The following MACROD2 variants were observed in gnomAD, a reference collection of about 807,000 sequenced individuals.
MACROD2 encodes the protein ADP-ribose glycohydrolase MACROD2.
In MACROD2, 36 loss-of-function variants were observed where a neutral mutation model predicts 70.4. The observed-to-expected ratio is 0.51, with a 90% CI of 0.39 to 0.68. MACROD2 has a LOEUF of 0.68. MACROD2 is among the 30% of genes least tolerant of loss of function. MACROD2 has a pLI of 0.00. For synonymous variants in MACROD2, 172 were observed against 178.8 expected (o/e 0.96, Z 0.30); for missense variants, 496 against 538.4 (o/e 0.92, Z 0.78).
intron 4 of MACROD2, among the ~76,000 whole-genome samples, chr20:14,558,838 A>G (rs925567198): frequency 1.3e-5 from 2 of 151,720 alleles, no homozygotes; most frequent in African/African-American, 4.8e-5. Flanking sequence ...TCCTCAAAAT[A>G]CAATACTGTA....
chr20:14,813,535 A>G (rs1028643323), intron 5 of MACROD2, among the ~76,000 whole-genome samples: 1 of 152,056 alleles, frequency 6.6e-6, no homozygotes, highest in Non-Finnish European at 1.5e-5. Flanking sequence ...GCATGATCTC[A>G]TTCCTTTTTA....
intron 7 of MACROD2, among the ~76,000 whole-genome samples, chr20:15,492,937 G>A (rs1387258203): frequency 1.3e-5 from 2 of 152,174 alleles, no homozygotes; most frequent in East Asian, 1.9e-4. Flanking sequence ...AGGCTGGTTA[G>A]TATAGCAACT....
chr20:15,464,687 C>G (rs1568827441), intron 7 of MACROD2, among the ~76,000 whole-genome samples: 2 of 152,100 alleles, frequency 1.3e-5, no homozygotes, highest in Non-Finnish European at 2.9e-5. Flanking sequence ...CCCTTATGTA[C>G]CTGTTCAGAT....
intron 5 of MACROD2, among the ~76,000 whole-genome samples, chr20:14,794,365 A>G (rs1465772420): frequency 6.6e-6 from 1 of 152,140 alleles, no homozygotes; most frequent in Non-Finnish European, 1.5e-5. Flanking sequence ...TTAAAAGACA[A>G]ATCTTCATGT....
chr20:14,835,465 C>A (rs902596438), intron 5 of MACROD2, among the ~76,000 whole-genome samples: 3 of 152,058 alleles, frequency 2.0e-5, no homozygotes, highest in Non-Finnish European at 4.4e-5. Context: ...TGCCTGGGCT[C>A]AGCCATTAGG....
chr20:15,725,000 T>G (rs561220971), intron 8 of MACROD2, among the ~76,000 whole-genome samples: 10 of 152,196 alleles, frequency 6.6e-5, no homozygotes, highest in African/African-American at 2.4e-4. Flanking sequence ...AAGAATGACG[T>G]GAATCCGGGA....
intron 4 of MACROD2, among the ~76,000 whole-genome samples, chr20:14,682,826 G>A (rs932361695): frequency 6.6e-6 from 1 of 152,068 alleles, no homozygotes; most frequent in African/African-American, 2.4e-5. Flanking sequence ...CTAATTGAAA[G>A]AATTTTAACA....
chr20:15,808,375 A>G (rs2063788294), intron 8 of MACROD2, among the ~76,000 whole-genome samples: 1 of 152,212 alleles, frequency 6.6e-6, no homozygotes, highest in Admixed American at 6.5e-5. Context: ...TGAATCTGAT[A>G]TAAAATGATG....
intron 12 of MACROD2, among the ~76,000 whole-genome samples, chr20:15,938,309 A>C (rs972841766): frequency 6.6e-6 from 1 of 152,096 alleles, no homozygotes; most frequent in African/African-American, 2.4e-5. Flanking sequence ...TACATTTTTT[A>C]CAAATTGAAG....
Position 15,862,817 on chromosome 20 carries a change from T to G in MACROD2, c.718T>G (p.Phe240Val). 1 of 1,610,506 alleles carries G rather than the reference T, an allele frequency of 6.2e-7. No individual in the cohort carries two copies. The highest frequency in any genetic ancestry group is 8.5e-7 in the Non-Finnish European group (1 of 1,178,134). Residue 240 changes from phenylalanine to valine, a missense_variant, in exon 9 of 18, where the codon TTC (phenylalanine) becomes GTC (valine). Phe to Val is a conservative substitution (Grantham distance 50). Coordinates refer to ENST00000684519, the MANE Select transcript of MACROD2 (RefSeq NM_001351661.2). The part of the protein sequence containing the change: ...KIYKKKMNEF[F>V]SVDDNNEEEE... ...CTACAAAAAGAAAATGAATGAGTTT[T>G]TCTCCGTAGGTGAGTAAAGCAACTT...
chr20:14,160,953 T>C (rs1166200380), intron 3 of MACROD2, among the ~76,000 whole-genome samples: 1 of 152,106 alleles, frequency 6.6e-6, no homozygotes, highest in Non-Finnish European at 1.5e-5. Flanking sequence ...TAGTGAACAT[T>C]GTACCCAATA....
At chr20:15,413,319 G>A (rs2046103338) in intron 6 of MACROD2, among the ~76,000 whole-genome samples, 3 of 152,142 alleles carry the variant, frequency 2.0e-5, no homozygotes, top group Non-Finnish European at 2.9e-5. Flanking sequence ...GAATACTGGA[G>A]TGACCAGACT....
chr20:14,123,576 C>T (rs1322133749), intron 3 of MACROD2, among the ~76,000 whole-genome samples: 2 of 152,138 alleles, frequency 1.3e-5, no homozygotes, highest in Non-Finnish European at 2.9e-5. Flanking sequence ...AGTCCTGCCT[C>T]CCTAGATACC....
intron 5 of MACROD2, among the ~76,000 whole-genome samples, chr20:15,184,801 A>T (rs112998474): frequency 1.3e-5 from 2 of 152,114 alleles, no homozygotes; most frequent in South Asian, 4.1e-4. Flanking sequence ...ATCCAAGAGC[A>T]CTCTCTGATA....
intron 2 of MACROD2, among the ~76,000 whole-genome samples, chr20:14,033,085 C>CTTT (rs11480685): frequency 1.5e-5 from 2 of 132,632 alleles, no homozygotes; most frequent in Non-Finnish European, 3.3e-5. Context: ...CTTGGTTTTT[C>CTTT]TTTTTTTTTT....
intron 15 of MACROD2, among the ~76,000 whole-genome samples, chr20:16,022,844 A>G (rs1181209078): frequency 6.6e-6 from 1 of 152,218 alleles, no homozygotes; most frequent in East Asian, 1.9e-4. Context: ...AAATGCATGT[A>G]TGTGCCAACC....
At chr20:14,044,113 A>G (rs939504775) in intron 2 of MACROD2, among the ~76,000 whole-genome samples, 56 of 152,024 alleles carry the variant, frequency 3.7e-4, no homozygotes, top group African/African-American at 1.2e-3. Flanking sequence ...CAGTGTGTCC[A>G]GAGTTTGTTC....
intron 8 of MACROD2, among the ~76,000 whole-genome samples, chr20:15,554,093 A>G (rs766616998): frequency 6.6e-6 from 1 of 152,206 alleles, no homozygotes; most frequent in Non-Finnish European, 1.5e-5. Flanking sequence ...ATGGCAATGG[A>G]GATGTGGAGG....
intron 6 of MACROD2, among the ~76,000 whole-genome samples, chr20:15,252,432 C>T (rs1601303098): frequency 1.3e-5 from 2 of 152,282 alleles, no homozygotes; most frequent in South Asian, 4.1e-4. Flanking sequence ...CACTACACAT[C>T]ACCTTCACTC....
Sources: gnomAD v4.1 joint callset for allele counts (sites outside exome capture counted in the v4.1 genomes callset) on GRCh38, gnomAD v4.1.1 for gene constraint, MANE v1.5 for transcripts, NCBI Gene and HGNC (gene_info 2026-07-23, HGNC 2026-07-21) for gene names.